CAMK1D: variants seen among roughly 807,000 people sequenced by gnomAD.
The protein encoded by CAMK1D is calcium/calmodulin dependent protein kinase ID.
In CAMK1D, 9 loss-of-function variants were observed where a neutral mutation model predicts 47.7. The ratio of observed to expected loss-of-function variants is 0.19; its 90% CI spans 0.11 to 0.33. CAMK1D has a LOEUF of 0.33. Ranked by LOEUF, CAMK1D falls within the 10% of genes least tolerant of loss-of-function variation. The pLI, the probability that CAMK1D is intolerant of heterozygous loss-of-function variation, is 1.00. For synonymous variants in CAMK1D, 184 were observed against 184.9 expected (o/e 0.99, Z 0.04); for missense variants, 291 against 488.7 (o/e 0.60, Z 3.81).
intron 2 of CAMK1D, among the ~76,000 whole-genome samples, chr10:12,573,320 CATGATGGAGACG>C (rs896562408): frequency 9.9e-5 from 15 of 152,120 alleles, no homozygotes; most frequent in Non-Finnish European, 1.5e-4. Flanking sequence ...GGAGAGAGGG[CATGATGGAGACG>C]ATGATGGAGA....
chr10:12,673,972 CT>C, intron 3 of CAMK1D, among the ~76,000 whole-genome samples: 1 of 152,036 alleles, frequency 6.6e-6, no homozygotes, highest in South Asian at 2.1e-4. Context: ...AGTAGTTGGG[CT>C]CTCTCTCTGT....
intron 1 of CAMK1D, among the ~76,000 whole-genome samples, chr10:12,544,120 G>A (rs1564402202): frequency 6.6e-6 from 1 of 152,160 alleles, no homozygotes; most frequent in Non-Finnish European, 1.5e-5. Context: ...GGGAAAAGGA[G>A]GAAGGATTCA....
At chr10:12,427,698 C>CTGTTTTTTTTTTT (rs1840282957) in intron 1 of CAMK1D, among the ~76,000 whole-genome samples, 4 of 27,366 alleles carry the variant, frequency 1.5e-4, no homozygotes, top group Non-Finnish European at 2.5e-4. Flanking sequence ...ACTGAACTTA[C>CTGTTTTTTTTTTT]TGTTTTTTTT....
In CAMK1D at chr10:12,711,752, A is replaced by G. The variant is rs185093801; in HGVS notation, c.299+44942A>G. On this transcript the variant is annotated intron_variant, in intron 3 of 10. Coordinates refer to ENST00000619168, the MANE Select transcript of CAMK1D (RefSeq NM_153498.4). The stretch of plus-strand genomic sequence containing the variant: ...TCTGTCCTTTCTAGCAGATCTAAAT[A>G]TCTACTCTGTCTACACCCTGTTTTT... Among the ~76,000 whole-genome samples, 774 of 152,328 alleles carry G rather than the reference A, an allele frequency of 5.1e-3. 4 individuals are homozygous for G. Among genetic ancestry groups the G allele is most frequent in the Non-Finnish European group, 7.5e-3 (508 of 68,022 alleles).
At chr10:12,432,775 C>T (rs563556419) in intron 1 of CAMK1D, among the ~76,000 whole-genome samples, 2 of 152,352 alleles carry the variant, frequency 1.3e-5, no homozygotes, top group South Asian at 2.1e-4. Flanking sequence ...CCATTGTCCA[C>T]CCTTACCGTG....
chr10:12,730,295 G>A (rs1834832648), intron 3 of CAMK1D, among the ~76,000 whole-genome samples: 3 of 152,292 alleles, frequency 2.0e-5, no homozygotes, highest in South Asian at 2.1e-4. Flanking sequence ...AGGGGTCAAA[G>A]GTGATGCCAA....
chr10:12,387,793 G>A (rs2131884618), intron 1 of CAMK1D, among the ~76,000 whole-genome samples: 1 of 152,056 alleles, frequency 6.6e-6, no homozygotes, highest in Admixed American at 6.6e-5. Flanking sequence ...CCTGGCCTGT[G>A]TGTGTATCTT....
chr10:12,778,634 T>A (rs192352733), intron 5 of CAMK1D, among the ~76,000 whole-genome samples: 53 of 152,268 alleles, frequency 3.5e-4, no homozygotes, highest in African/African-American at 1.3e-3. Context: ...CCCAGCACCT[T>A]GGAAGGCCAG....
chr10:12,393,036 T>G (rs550350660), intron 1 of CAMK1D, among the ~76,000 whole-genome samples: 2 of 151,848 alleles, frequency 1.3e-5, no homozygotes. Flanking sequence ...ACTTTTTTTT[T>G]TTTTTTCTTT....
At chr10:12,736,123 G>A (rs1468796429) in intron 3 of CAMK1D, among the ~76,000 whole-genome samples, 4 of 152,172 alleles carry the variant, frequency 2.6e-5, no homozygotes, top group Non-Finnish European at 4.4e-5. Flanking sequence ...GGCGCCAAAC[G>A]GCAGGACTTC....
intron 1 of CAMK1D, among the ~76,000 whole-genome samples, chr10:12,489,891 C>T (rs756437397): frequency 5.9e-5 from 9 of 152,146 alleles, no homozygotes; most frequent in South Asian, 2.1e-4. Context: ...AGCTGCCAGA[C>T]GCCCCGACAC....
intron 3 of CAMK1D, among the ~76,000 whole-genome samples, chr10:12,737,870 A>G (rs550853006): frequency 2.6e-4 from 39 of 152,364 alleles, no homozygotes; most frequent in Non-Finnish European, 5.3e-4. Context: ...CAGTTGTATA[A>G]TATGAGACTC....
At chr10:12,514,932 C>T (rs535335509) in intron 1 of CAMK1D, among the ~76,000 whole-genome samples, 1 of 152,332 alleles carries the variant, frequency 6.6e-6, no homozygotes, top group East Asian at 1.9e-4. Flanking sequence ...CTCACTGCAG[C>T]CTCTGCCTCC....
intron 2 of CAMK1D, among the ~76,000 whole-genome samples, chr10:12,591,198 T>C (rs150964360): frequency 1.3e-5 from 2 of 152,278 alleles, no homozygotes; most frequent in East Asian, 3.9e-4. Context: ...GGCCAGATCT[T>C]ATATAAAAGT....
chr10:12,643,978 G>C (rs1278199168), intron 2 of CAMK1D, among the ~76,000 whole-genome samples: 3 of 152,036 alleles, frequency 2.0e-5, no homozygotes, highest in Non-Finnish European at 4.4e-5. Flanking sequence ...CAAGCTCAGA[G>C]CTCCTCCTGA....
At chr10:12,670,761 C>G (rs1228610461) in intron 3 of CAMK1D, among the ~76,000 whole-genome samples, 1 of 152,118 alleles carries the variant, frequency 6.6e-6, no homozygotes, top group Admixed American at 6.5e-5. Context: ...GTTGGTCAGG[C>G]TGGTCTTGAA....
intron 2 of CAMK1D, among the ~76,000 whole-genome samples, chr10:12,599,015 T>G (rs745462919): frequency 2.2e-4 from 33 of 152,310 alleles, no homozygotes; most frequent in Non-Finnish European, 4.6e-4. Context: ...TGCTCAGGTA[T>G]TCATAGAATT....
intron 3 of CAMK1D, among the ~76,000 whole-genome samples, chr10:12,758,033 T>G (rs1159146507): frequency 6.6e-6 from 1 of 152,110 alleles, no homozygotes; most frequent in African/African-American, 2.4e-5. Context: ...TGTATTTTTG[T>G]AGAGACTGGT....
At chr10:12,444,110 C>G (rs1832863493) in intron 1 of CAMK1D, among the ~76,000 whole-genome samples, 1 of 152,190 alleles carries the variant, frequency 6.6e-6, no homozygotes, top group African/African-American at 2.4e-5. Flanking sequence ...TCATCGCCAT[C>G]TTGGTTTTGG....
Sources: allele counts gnomAD v4.1 joint callset (sites outside exome capture counted in the v4.1 genomes callset), GRCh38; gene constraint gnomAD v4.1.1; transcripts MANE v1.5; gene names NCBI Gene and HGNC (gene_info 2026-07-23, HGNC 2026-07-21).